Variants in TM9SF1 observed in about 807,000 individuals in gnomAD.
The protein encoded by TM9SF1 is transmembrane 9 superfamily member 1.
TM9SF1 carries 25 observed loss-of-function variants against 52.4 expected under a neutral mutation model. That is an observed-to-expected ratio of 0.48 (90% CI 0.35 to 0.67). The LOEUF is 0.67. Ranked by LOEUF, TM9SF1 falls within the 30% of genes least tolerant of loss-of-function variation. The pLI is 0.01. For synonymous variants in TM9SF1, 284 were observed against 299.8 expected (o/e 0.95, Z 0.55); for missense variants, 604 against 780.3 (o/e 0.77, Z 2.69).
At chr14:24,190,867 T>G (rs1206724376) in intron 4 of TM9SF1, among the ~76,000 whole-genome samples, 1 of 136,302 alleles carries the variant, frequency 7.3e-6, no homozygotes, top group Non-Finnish European at 1.6e-5. Context: ...TTTTTTTTTT[T>G]TTTTTTTTTT....
chr14:24,190,586 C>T lies in TM9SF1; in HGVS notation c.1221G>A (p.Leu407=), dbSNP rs756677128. ...GAAGCAGCAGGATGGTTGTGGCTGG[C>T]AGAGCCTGTGTCGAACCATTGGCCC... The part of the protein sequence containing the change: ...VHWANGSTQA[L]PATTILLLLT... Residue 407 remains leucine (L), a synonymous_variant, in exon 5 of 6, where the codon CTG becomes CTA. Coordinates refer to ENST00000261789, the MANE Select transcript of TM9SF1 (RefSeq NM_006405.7). 6.2e-7 allele frequency: 1 copy of T among 1,613,808 alleles called. No homozygotes were observed. The highest frequency in any genetic ancestry group is 8.5e-7 in the Non-Finnish European group (1 of 1,179,966).
intron 5 of TM9SF1, 56 bp downstream of exon 5, chr14:24,190,324 G>C: frequency 1.3e-6 from 2 of 1,531,314 alleles, no homozygotes; most frequent in South Asian, 1.3e-5. Context: ...AGTAGGGACA[G>C]GAAAAATTGA....
chr14:24,192,617 A>G lies in TM9SF1; in HGVS notation c.967+31T>C. On this transcript the variant is annotated intron_variant, in intron 3 of 5. Transcript: ENST00000261789. This position sits in a 1 kb window ranked among gnomAD's most constrained non-coding sequence, Gnocchi z 4.0. The stretch of plus-strand genomic sequence containing the variant: ...TCCCTACCTAGTTCTATCCCATGAG[A>G]TAAATCCCCAATTCATTTTTATCAC... The G allele has an allele frequency of 2.0e-6, 3 of 1,534,610 alleles. No individual in the cohort carries two copies. The highest frequency in any genetic ancestry group is 2.6e-6 in the Non-Finnish European group (3 of 1,143,298).
rs578140649 is a variant in TM9SF1 at position 24,190,247 on chromosome 14, C to T, written c.1427+133G>A. 66 of 1,493,896 alleles carry T rather than the reference C, an allele frequency of 4.4e-5. 2 individuals carry two copies. The South Asian group carries it at 8.8e-4, about 20-fold the overall frequency. 92.5% of individuals were successfully genotyped at this position (1,493,896 alleles called of 1,614,324 possible). ...CAGTCCTGCTTGGGGATAGGAGGAACCATTTAATGATCTCTGAATGGTACC... is the reference window on the plus strand; with the variant it reads ...CAGTCCTGCTTGGGGATAGGAGGAATCATTTAATGATCTCTGAATGGTACC... On this transcript the variant is annotated intron_variant, in intron 5 of 5. Coordinates refer to ENST00000261789, the MANE Select transcript of TM9SF1 (RefSeq NM_006405.7).
chr14:24,190,747 G>T, intron 4 of TM9SF1, 94 bp from the exon 5 acceptor site: 1 of 1,160,972 alleles, frequency 8.6e-7, no homozygotes, highest in Non-Finnish European at 1.2e-6. Context: ...GGAGGGGGCT[G>T]AAGCAGCCTG....
chr14:24,190,205 C>A, intron 5 of TM9SF1, 175 bp downstream of exon 5: 1 of 1,338,186 alleles, frequency 7.5e-7, no homozygotes, highest in East Asian at 2.7e-5. Flanking sequence ...GTGAGACACT[C>A]TCATATCATT....
rs756645336 is a variant in TM9SF1, at chr14:24,194,712, T to C, written c.308A>G (p.Lys103Arg). Residue 103 changes from lysine to arginine, a missense_variant, in exon 2 of 6, where the codon AAG (lysine) becomes AGG (arginine). Physicochemically the swap from Lys to Arg is conservative, Grantham distance 26. Coordinates refer to ENST00000261789, the MANE Select transcript of TM9SF1 (RefSeq NM_006405.7). ...YEIRFRENVE[K>R]RILCHMQLSS... ...GAGCTGCATGTGGCACAGAATTCTCTTCTCCACGTTTTCCCGAAAGCGGAT... is the reference window on the plus strand; with the variant it reads ...GAGCTGCATGTGGCACAGAATTCTCCTCTCCACGTTTTCCCGAAAGCGGAT... 2 of 1,614,182 alleles carry C rather than the reference T, an allele frequency of 1.2e-6. No individual in the cohort carries two copies. Among genetic ancestry groups the C allele is most frequent in the East Asian group, 2.2e-5 (1 of 44,890 alleles).
At chr14:24,191,809 G>GAAC (rs1175293654) in intron 4 of TM9SF1, 1 of 196,356 alleles carries the variant, frequency 5.1e-6, no homozygotes, top group Non-Finnish European at 1.1e-5. Context: ...GTTCTATGAT[G>GAAC]TGTTCTTTTT....
At position 24,192,329 on chromosome 14, in the gene TM9SF1, A is replaced by G. The variant is rs2039333548; in HGVS notation, c.995T>C (p.Met332Thr). ...GGCCCCATGACGGTGCACATTGAACATGCCCAGCAGTGCCATGACAATAAT... is the reference window on the plus strand; with the variant it reads ...GGCCCCATGACGGTGCACATTGAACGTGCCCAGCAGTGCCATGACAATAAT... ...TGIIVMALLG[M>T]FNVHRHGAIN... The change falls in exon 4 of 6, where the codon ATG becomes ACG. Residue 332 changes from methionine to threonine, a missense_variant. This residue lies in a region of TM9SF1 where 450 missense variants were observed against 560.1 expected (regional missense o/e 0.80). Coordinates refer to ENST00000261789, the MANE Select transcript of TM9SF1 (RefSeq NM_006405.7). The surrounding 1 kb of genome is among the most constrained non-coding windows in gnomAD (Gnocchi z 4.0). 6.2e-7 allele frequency: 1 copy of G among 1,614,028 alleles called. No individual in the cohort carries two copies. The highest frequency in any genetic ancestry group is 8.5e-7 in the Non-Finnish European group (1 of 1,180,010).
chr14:24,193,518 C>G (rs1334526561), intron 2 of TM9SF1, among the ~76,000 whole-genome samples: 1 of 151,750 alleles, frequency 6.6e-6, no homozygotes, highest in Non-Finnish European at 1.5e-5. Context: ...AGGCGCCCAC[C>G]ACCACACCCA....
Position 24,193,206 on chromosome 14 carries a change from G to C in TM9SF1, c.409C>G (p.Pro137Ala). The change falls in exon 3 of 6, where the codon CCA (proline) becomes GCA (alanine). Residue 137 changes from proline (P) to alanine (A), a missense_variant. By Grantham distance (27) the Pro-to-Ala change is conservative. This residue lies in a region of TM9SF1 where 450 missense variants were observed against 560.1 expected (regional missense o/e 0.80). Transcript: ENST00000261789. ...ATGTAGCCCACAAAGCCCCGGATTG[G>C]CAAGTCATCTACCACAAATTCAAAG... ...YYFEFVVDDLPIRGFVGYMEE... is the reference protein window; with the variant it reads ...YYFEFVVDDLAIRGFVGYMEE... 2 of 1,614,072 alleles carry C rather than the reference G, an allele frequency of 1.2e-6. No homozygotes were observed. The highest frequency in any genetic ancestry group is 1.7e-6 in the Non-Finnish European group (2 of 1,179,992).
chr14:24,194,847 G>A lies in TM9SF1; in HGVS notation c.173C>T (p.Thr58Ile). Residue 58 changes from threonine to isoleucine, a missense_variant, in exon 2 of 6, where the codon ACT (threonine) becomes ATT (isoleucine). By Grantham distance (89) the Thr-to-Ile change is moderately conservative. Around this residue, in one of 3 missense-constraint regions of TM9SF1, gnomAD observed 450 missense variants for 560.1 expected, o/e 0.80. Coordinates refer to ENST00000261789, the MANE Select transcript of TM9SF1 (RefSeq NM_006405.7). Reference protein sequence around the residue: ...KVGPYHNPQETYHYYQLPVCC... With the variant: ...KVGPYHNPQEIYHYYQLPVCC... ...GACTGGAAGCTGATAGTAGTGGTAA[G>A]TTTCCTGAGGGTTATGGTAGGGTCC... 1 of 1,614,248 alleles carries A rather than the reference G, an allele frequency of 6.2e-7. No homozygotes were observed. Among genetic ancestry groups the A allele is most frequent in the Non-Finnish European group, 8.5e-7 (1 of 1,180,048 alleles).
In TM9SF1 at chr14:24,192,953, C is replaced by T. The variant is rs201569838; in HGVS notation, c.662G>A (p.Arg221His). Residue 221 changes from arginine to histidine, a missense_variant, in exon 3 of 6, where the codon CGT becomes CAT. This residue lies in a region of TM9SF1 where 450 missense variants were observed against 560.1 expected (regional missense o/e 0.80). Coordinates refer to ENST00000261789, the MANE Select transcript of TM9SF1 (RefSeq NM_006405.7). This position sits in a 1 kb window ranked among gnomAD's most constrained non-coding sequence, Gnocchi z 4.0. Reference protein sequence around the residue: ...TSVERRSDRRRGDDGGFFPRT... With the variant: ...TSVERRSDRRHGDDGGFFPRT... ...AGGAAAGAAACCACCATCGTCACCA[C>T]GGCGCCTGTCACTCCGACGCTCCAC... is the stretch of plus-strand genomic sequence containing the variant. 60 of 1,614,050 alleles carry T rather than the reference C, an allele frequency of 3.7e-5. No individual in the cohort carries two copies. The highest frequency in any genetic ancestry group is 1.7e-4 in the Middle Eastern group (1 of 6,060).
In TM9SF1 at chr14:24,193,053, T is replaced by C. The variant is rs2039347562; in HGVS notation, c.562A>G (p.Ser188Gly). 6.2e-7 allele frequency: 1 copy of C among 1,614,218 alleles called. No homozygotes were observed. The highest frequency in any genetic ancestry group is 1.1e-5 in the South Asian group (1 of 91,082). The change falls in exon 3 of 6, where the codon AGC (serine) becomes GGC (glycine). Residue 188 changes from serine (S) to glycine (G), a missense_variant. Ser to Gly is a moderately conservative substitution (Grantham distance 56). This residue lies in a region of TM9SF1 where 450 missense variants were observed against 560.1 expected (regional missense o/e 0.80). Transcript: ENST00000261789. Reference protein sequence around the residue: ...NVSVRDVKPHSLDGLRPDEFL... With the variant: ...NVSVRDVKPHGLDGLRPDEFL... ...TCGTCAGGTCGTAACCCATCCAAGC[T>C]GTGGGGCTTGACGTCCCGCACTGAA...
In TM9SF1 at chr14:24,189,816, G is replaced by A. The variant is rs770769965; in HGVS notation, c.1428-8C>T. 4 of 1,594,222 alleles carry A rather than the reference G, an allele frequency of 2.5e-6. No homozygotes were observed. The highest frequency in any genetic ancestry group is 2.2e-5 in the East Asian group (1 of 44,548). On this transcript the variant is annotated splice_polypyrimidine_tract_variant and splice_region_variant and intron_variant, in intron 5 of 5. Transcript: ENST00000261789. ...AGCTCCACAGAGATGGCACTGTGAA[G>A]AAAAGAGATGATACACAGCATTAAA...
intron 5 of TM9SF1, 91 bp from the exon 6 acceptor site, chr14:24,189,899 T>C (rs2039291500): frequency 6.8e-7 from 1 of 1,478,852 alleles, no homozygotes; most frequent in Admixed American, 2.4e-5. Flanking sequence ...CCCTCTCCCA[T>C]GTTGCTGGGT....
chr14:24,190,126 G>C, intron 5 of TM9SF1: 1 of 1,368,994 alleles, frequency 7.3e-7, no homozygotes, highest in Non-Finnish European at 9.4e-7. Flanking sequence ...AACCCCACAT[G>C]ATGTCCATAG....
intron 4 of TM9SF1, among the ~76,000 whole-genome samples, chr14:24,191,014 C>T (rs1274526833): frequency 5.9e-5 from 9 of 151,974 alleles, no homozygotes; most frequent in African/African-American, 9.7e-5. Context: ...TACAGGCGCC[C>T]GCCACCACGC....
At chr14:24,190,677 G>A (rs767148984) in intron 4 of TM9SF1, 24 bp from the exon 5 acceptor site, 5 of 1,590,146 alleles carry the variant, frequency 3.1e-6, no homozygotes, top group South Asian at 2.3e-5. Context: ...CCCCCGGAGG[G>A]AGGGTCAACA....
Sources: gnomAD v4.1 joint callset for allele counts (sites outside exome capture counted in the v4.1 genomes callset) on GRCh38, gnomAD v4.1.1 for gene constraint, gnomAD v4.1.1 regional missense constraint, Gnocchi (gnomAD v3.1) non-coding constraint, MANE v1.5 for transcripts, NCBI Gene and HGNC (gene_info 2026-07-23, HGNC 2026-07-21) for gene names.